ZKSCAN7: variants seen among roughly 807,000 people sequenced by gnomAD.
The protein encoded by ZKSCAN7 is zinc finger with KRAB and SCAN domains 7, also known as zinc finger protein with KRAB and SCAN domains 7.
In ZKSCAN7, 38 loss-of-function variants were observed where a neutral mutation model predicts 65.3. The ratio of observed to expected loss-of-function variants is 0.58; its 90% CI spans 0.45 to 0.76. The LOEUF is 0.76. ZKSCAN7 is among the 30% of genes least tolerant of loss of function. The pLI is 0.00. For missense variants in ZKSCAN7, 815 were observed against 913.3 expected (o/e 0.89, Z 1.39); for synonymous variants, 321 against 321.0 (o/e 1.00, Z 0.00).
At chr3:44,573,069 T>C (rs1699853067), downstream of ZKSCAN7, among the ~76,000 whole-genome samples, 1 of 152,196 alleles carries the variant, frequency 6.6e-6, no homozygotes, top group Admixed American at 6.5e-5. Flanking sequence ...AATTTAAAGA[T>C]GAGAGCTGTA....
At position 44,577,970 on chromosome 3, in the gene ZKSCAN7, C is replaced by T. The variant is rs62242343; in HGVS notation, c.812-5002C>T. 3.4e-3 allele frequency among the ~76,000 whole-genome samples: 513 copies of T among 152,320 alleles called. 2 individuals carry two copies. Among genetic ancestry groups the T allele is most frequent in the Non-Finnish European group, 4.4e-3 (297 of 68,032 alleles). On this transcript the variant is annotated intron_variant, in intron 5 of 5. Coordinates refer to the ZKSCAN7 transcript ENST00000341840. ...CAAAGAGCTTCAACCGTTCTTGCACCGTCAGGCCTTCCTTCAGACTCTTGG... is the reference window on the plus strand; with the variant it reads ...CAAAGAGCTTCAACCGTTCTTGCACTGTCAGGCCTTCCTTCAGACTCTTGG...
chr3:44,569,880 A>G (rs371320251), intron 5 of ZKSCAN7, 42 bp from the exon 6 acceptor site: 68 of 1,502,556 alleles, frequency 4.5e-5, no homozygotes, highest in Middle Eastern at 1.8e-4. Flanking sequence ...CTTAAACAGG[A>G]TAAGAAATGG....
Position 44,556,955 on chromosome 3 carries a change from C to A in ZKSCAN7, c.-93C>A. On this transcript the variant is annotated 5_prime_UTR_variant, in exon 2 of 6. Coordinates refer to ENST00000426540, the MANE Select transcript of ZKSCAN7 (RefSeq NM_001288590.2). ...GCCACACTACCATCACCCCTTTCTC[C>A]AACCCTGAAAAACAGTTCCTGAGAC... 6.4e-7 allele frequency: 1 copy of A among 1,555,364 alleles called. No homozygotes were observed. The highest frequency in any genetic ancestry group is 8.8e-7 in the Non-Finnish European group (1 of 1,138,620).
intron 4 of ZKSCAN7, 107 bp from the exon 5 acceptor site, chr3:44,568,200 C>G: frequency 6.4e-7 from 1 of 1,550,890 alleles, no homozygotes. Context: ...CTCCTCTCTC[C>G]CATACTTTTG....
chr3:44,557,147 C>G lies in ZKSCAN7; in HGVS notation c.100C>G (p.Gln34Glu), dbSNP rs373538622. Residue 34 changes from glutamine (Q) to glutamate (E), a missense_variant, in exon 2 of 6, where the codon CAG becomes GAG. Physicochemically the swap from Gln to Glu is conservative, Grantham distance 29. This residue lies in a region of ZKSCAN7 where 227 missense variants were observed against 253.3 expected (regional missense o/e 0.90). Coordinates refer to ENST00000426540, the MANE Select transcript of ZKSCAN7 (RefSeq NM_001288590.2). ...RLTVKQEPAN[Q>E]TWGQGSSLQK... is the part of the protein sequence containing the mutation. ...GACTGTGAAGCAGGAGCCAGCAAAC[C>G]AGACCTGGGGGCAGGGCAGCAGTCT... The G allele has an allele frequency of 1.7e-5, 28 of 1,614,264 alleles. No individual in the cohort carries two copies. The African/African-American group carries it at 3.2e-4, about 18-fold the overall frequency.
chr3:44,574,964 CAAAA>C (rs539930318), downstream of ZKSCAN7, among the ~76,000 whole-genome samples: 18 of 152,014 alleles, frequency 1.2e-4, no homozygotes, highest in African/African-American at 3.9e-4. Context: ...AATGAACAAA[CAAAA>C]AACATGTCTG....
Position 44,568,340 on chromosome 3 carries a change from T to A in ZKSCAN7, c.718T>A (p.Tyr240Asn), listed in dbSNP as rs746689365. The change falls in exon 5 of 6, where the codon TAC (tyrosine) becomes AAC (asparagine). Residue 240 changes from tyrosine to asparagine, a missense_variant. Transcript: ENST00000426540. ...GGCATATGAGGACCTATCTGTAGAC[T>A]ACACTCAGAAGAAATGGAAAAGTCT... ...TVAYEDLSVD[Y>N]TQKKWKSLTL... 2.7e-5 allele frequency: 43 copies of A among 1,614,038 alleles called. No individual in the cohort carries two copies. The highest frequency in any genetic ancestry group is 3.6e-5 in the Non-Finnish European group (42 of 1,179,986).
chr3:44,561,358 C>T (rs1435046632), intron 2 of ZKSCAN7, among the ~76,000 whole-genome samples: 1 of 152,302 alleles, frequency 6.6e-6, no homozygotes, highest in East Asian at 1.9e-4. Flanking sequence ...CCCCATGATC[C>T]AGTCATCTCC....
At chr3:44,575,829 C>T (rs957976853), downstream of ZKSCAN7, among the ~76,000 whole-genome samples, 4 of 152,302 alleles carry the variant, frequency 2.6e-5, no homozygotes, top group South Asian at 2.1e-4. Flanking sequence ...CCGCCCGCCT[C>T]GGCCTCCCAA....
chr3:44,564,122 C>T (rs540059406), intron 2 of ZKSCAN7, among the ~76,000 whole-genome samples: 3 of 152,236 alleles, frequency 2.0e-5, no homozygotes, highest in African/African-American at 7.2e-5. Flanking sequence ...TAAAATGTGC[C>T]TTATTTAGAT....
chr3:44,566,731 C>T lies in ZKSCAN7; in HGVS notation c.592+1076C>T, dbSNP rs374069551. Among the ~76,000 whole-genome samples, 15 of 152,006 alleles carry T rather than the reference C, an allele frequency of 9.9e-5. No individual in the cohort carries two copies. In the South Asian group the frequency reaches 2.7e-3, roughly 27 times the overall value. On this transcript the variant is annotated intron_variant, in intron 3 of 5. Transcript: ENST00000426540. ...TAATAGCTCACTGTAGCCTTGAACT[C>T]CTGGGCTCAAGAAATCCTCCCACCA...
downstream of ZKSCAN7, among the ~76,000 whole-genome samples, chr3:44,575,111 G>A (rs1158430014): frequency 1.3e-5 from 2 of 152,098 alleles, no homozygotes; most frequent in Non-Finnish European, 2.9e-5. Flanking sequence ...TGGGCAACAC[G>A]TCAAGACCCT....
chr3:44,579,381 G>A (rs1038065513), intron 5 of ZKSCAN7, among the ~76,000 whole-genome samples: 3 of 152,218 alleles, frequency 2.0e-5, no homozygotes, highest in Non-Finnish European at 4.4e-5. Context: ...AGGGCCTGCT[G>A]GATGGGACGG....
In ZKSCAN7 at chr3:44,568,346, C is replaced by G. The variant is rs928237492; in HGVS notation, c.724C>G (p.Gln242Glu). ...AYEDLSVDYT[Q>E]KKWKSLTLSQ... is the part of the protein sequence containing the mutation. ...TGAGGACCTATCTGTAGACTACACT[C>G]AGAAGAAATGGAAAAGTCTCACACT... Residue 242 changes from glutamine to glutamate, a missense_variant, in exon 5 of 6, where the codon CAG (glutamine) becomes GAG (glutamate). By Grantham distance (29) the Gln-to-Glu change is conservative. This residue lies in a region of ZKSCAN7 where 578 missense variants were observed against 629.5 expected (regional missense o/e 0.92). Transcript: ENST00000426540. The G allele has an allele frequency of 1.2e-6, 2 of 1,613,910 alleles. No homozygotes were observed. The highest frequency in any genetic ancestry group is 1.7e-5 in the Admixed American group (1 of 59,952).
In ZKSCAN7 at chr3:44,571,489, GC is replaced by G; in HGVS notation, c.*115del. On this transcript the variant is annotated 3_prime_UTR_variant, in exon 6 of 6. Coordinates refer to ENST00000426540, the MANE Select transcript of ZKSCAN7 (RefSeq NM_001288590.2). ...AGTCACGGTGGACCATTCCCTACTT[GC>G]TTTTCCTTGGATCACTAAGGTGGGA... 1.3e-6 allele frequency: 2 copies of G among 1,587,914 alleles called. No homozygotes were observed. Among genetic ancestry groups the G allele is most frequent in the Admixed American group, 3.4e-5 (2 of 59,382 alleles).
intron 2 of ZKSCAN7, among the ~76,000 whole-genome samples, chr3:44,563,896 A>G (rs539121217): frequency 6.6e-6 from 1 of 152,328 alleles, no homozygotes; most frequent in East Asian, 1.9e-4. Context: ...AGAGTCTTTC[A>G]GTTTCAAAGA....
At chr3:44,575,126 C>A (rs533313608), downstream of ZKSCAN7, among the ~76,000 whole-genome samples, 1 of 152,128 alleles carries the variant, frequency 6.6e-6, no homozygotes, top group African/African-American at 2.4e-5. Flanking sequence ...GACCCTGTCC[C>A]TAAATAAATA....
intron 3 of ZKSCAN7, among the ~76,000 whole-genome samples, chr3:44,566,291 C>T (rs1699628907): frequency 6.6e-6 from 1 of 152,076 alleles, no homozygotes; most frequent in Admixed American, 6.5e-5. Context: ...TGTACAGGAC[C>T]TTGAGATTGA....
chr3:44,563,979 T>C (rs1349754254), intron 2 of ZKSCAN7, among the ~76,000 whole-genome samples: 1 of 152,196 alleles, frequency 6.6e-6, no homozygotes, highest in Non-Finnish European at 1.5e-5. Flanking sequence ...ACTGGTGAGA[T>C]ATATATTAAA....
Sources: allele counts gnomAD v4.1 joint callset (sites outside exome capture counted in the v4.1 genomes callset), GRCh38; gene constraint gnomAD v4.1.1; regional missense constraint gnomAD v4.1.1; transcripts MANE v1.5; gene names NCBI Gene and HGNC (gene_info 2026-07-23, HGNC 2026-07-21).